DDX60L: variants seen among roughly 807,000 people sequenced by gnomAD.
DDX60L encodes probable ATP-dependent RNA helicase DDX60-like.
A neutral mutation model predicts 211.6 loss-of-function variants in DDX60L; 191 were observed. That is an observed-to-expected ratio of 0.90 (90% CI 0.80 to 1.02). DDX60L has a LOEUF of 1.02. DDX60L is among the 50% of genes least tolerant of loss of function. DDX60L has a pLI of 0.00. For synonymous variants in DDX60L, 706 were observed against 694.1 expected (o/e 1.02, Z -0.27); for missense variants, 2,007 against 1,984.1 (o/e 1.01, Z -0.22).
chr4:168,415,464 G>A lies in DDX60L; in HGVS notation c.2923C>T (p.His975Tyr), dbSNP rs768471956. The A allele has an allele frequency of 7.5e-6, 12 of 1,607,080 alleles. No homozygotes were observed. Among genetic ancestry groups the A allele is most frequent in the Non-Finnish European group, 1.0e-5 (12 of 1,175,954 alleles). ...AAATGATCAAAATAAACATCATCATGTTTTACTGAACATATATGCTTCTCT... is the reference window on the plus strand; with the variant it reads ...AAATGATCAAAATAAACATCATCATATTTTACTGAACATATATGCTTCTCT... ...DLEKHICSVK[H>Y]DDVYFDHFHP... The change falls in exon 22 of 38, where the codon CAT becomes TAT. Residue 975 changes from histidine to tyrosine, a missense_variant. His to Tyr is a moderately conservative substitution (Grantham distance 83, BLOSUM62 2). Coordinates refer to ENST00000682922, the MANE Select transcript of DDX60L (RefSeq NM_001012967.3).
chr4:168,471,535 CAT>C (rs1415509543), intron 4 of DDX60L: 13 of 397,464 alleles, frequency 3.3e-5, no homozygotes, highest in Non-Finnish European at 5.2e-5. Flanking sequence ...AATGTGGGAA[CAT>C]AGAGTTGAGG....
chr4:168,442,208 G>A (rs1753969474), intron 9 of DDX60L, among the ~76,000 whole-genome samples: 1 of 152,152 alleles, frequency 6.6e-6, no homozygotes, highest in Non-Finnish European at 1.5e-5. Context: ...AAGGGGTCAG[G>A]GAGTTCCCTT....
chr4:168,408,094 T>C (rs1748070134), intron 22 of DDX60L, among the ~76,000 whole-genome samples: 1 of 152,214 alleles, frequency 6.6e-6, no homozygotes. Context: ...GGTGACCAAA[T>C]ATTCTGTCTA....
At chr4:168,358,808 G>A (rs918278607) in intron 37 of DDX60L, among the ~76,000 whole-genome samples, 1 of 152,102 alleles carries the variant, frequency 6.6e-6, no homozygotes, top group African/African-American at 2.4e-5. Context: ...GTGGGCCACC[G>A]TGTCCGGCCA....
At position 168,392,152 on chromosome 4, in the gene DDX60L, T is replaced by C. The variant is rs2149726289; in HGVS notation, c.3811-508A>G. ...CTTAAGATAGGGTAATAATGTTTTG[T>C]CTTACGTACTCTGGACAACCACCTT... is the stretch of plus-strand genomic sequence containing the variant. On this transcript the variant is annotated intron_variant, in intron 28 of 37. Coordinates refer to ENST00000682922, the MANE Select transcript of DDX60L (RefSeq NM_001012967.3). 1.3e-5 allele frequency among the ~76,000 whole-genome samples: 2 copies of C among 152,234 alleles called. 1 individual carries two copies. Among genetic ancestry groups the C allele is most frequent in the Non-Finnish European group, 2.9e-5 (2 of 68,044 alleles).
Position 168,457,261 on chromosome 4 carries a change from TACACACAC to T in DDX60L, c.723+623_723+630del, listed in dbSNP as rs70961523. 1.1e-4 allele frequency among the ~76,000 whole-genome samples: 16 copies of T among 145,312 alleles called. No homozygotes were observed. The South Asian group carries it at 1.3e-3, about 12-fold the overall frequency. ...ACCAAAAACATATATATAAACTACA[TACACACAC>T]ACACACACACACACACACACACATA... On this transcript the variant is annotated intron_variant, in intron 6 of 37. Coordinates refer to ENST00000682922, the MANE Select transcript of DDX60L (RefSeq NM_001012967.3).
chr4:168,390,585 T>G, intron 29 of DDX60L: 1 of 943,280 alleles, frequency 1.1e-6, no homozygotes, highest in Non-Finnish European at 1.5e-6. Context: ...ATGATAAAAT[T>G]TATATTTTAT....
intron 33 of DDX60L, 75 bp downstream of exon 33, chr4:168,378,279 G>C: frequency 2.4e-6 from 2 of 841,482 alleles, no homozygotes; most frequent in Non-Finnish European, 3.6e-6. Flanking sequence ...TAACCCTATA[G>C]GTACTGAATG....
At chr4:168,435,615 T>A (rs1234501605) in intron 10 of DDX60L, among the ~76,000 whole-genome samples, 1 of 137,452 alleles carries the variant, frequency 7.3e-6, no homozygotes, top group East Asian at 1.9e-4. Flanking sequence ...GGCAAATGCT[T>A]TTTTTCTCCA....
intron 13 of DDX60L, among the ~76,000 whole-genome samples, chr4:168,428,331 G>T (rs767055144): frequency 1.3e-4 from 20 of 152,250 alleles, no homozygotes; most frequent in Admixed American, 4.6e-4. Context: ...AGTGTAATCA[G>T]TGATAACTAT....
At chr4:168,433,768 C>T (rs1304196988) in intron 10 of DDX60L, among the ~76,000 whole-genome samples, 3 of 152,204 alleles carry the variant, frequency 2.0e-5, no homozygotes, top group African/African-American at 7.2e-5. Context: ...TTGCATCTCT[C>T]ACTTTCCTTT....
chr4:168,471,549 A>G (rs539574617), intron 4 of DDX60L, 198 bp downstream of exon 4: 5 of 428,634 alleles, frequency 1.2e-5, no homozygotes, highest in African/African-American at 6.2e-5. Context: ...GAGTTGAGGG[A>G]AAAAAATTTA....
intron 11 of DDX60L, 74 bp from the exon 12 acceptor site, chr4:168,432,644 A>C (rs1287924174): frequency 1.7e-5 from 14 of 840,622 alleles, no homozygotes; most frequent in Non-Finnish European, 2.5e-5. Context: ...GGCTGTGATA[A>C]CAGAAATTGT....
chr4:168,422,057 G>C (rs1412172448), intron 16 of DDX60L, 148 bp from the exon 17 acceptor site: 10 of 911,488 alleles, frequency 1.1e-5, no homozygotes, highest in Non-Finnish European at 1.6e-5. Context: ...TAGGTCTGGT[G>C]AACACTCGAA....
At chr4:168,428,871 A>G (rs983263043) in intron 13 of DDX60L, among the ~76,000 whole-genome samples, 35 of 152,126 alleles carry the variant, frequency 2.3e-4, no homozygotes, top group African/African-American at 8.4e-4. Context: ...TTTTTTTTGA[A>G]TTACAGGGAT....
intron 5 of DDX60L, among the ~76,000 whole-genome samples, chr4:168,459,549 C>G (rs1757024333): frequency 1.3e-5 from 2 of 151,372 alleles, no homozygotes; most frequent in Admixed American, 1.3e-4. Context: ...GTCAGGAGTT[C>G]AAGACCAGCC....
intron 9 of DDX60L, among the ~76,000 whole-genome samples, chr4:168,447,430 A>G (rs75412379): frequency 0.72 from 106,234 of 147,380 alleles, 39,534 homozygotes; most frequent in East Asian, 0.89. Flanking sequence ...TTACACTGTT[A>G]GTGGGACTGT....
rs543303109 is a variant in DDX60L at position 168,379,630 on chromosome 4, T to C, written c.4221+96A>G. On this transcript the variant is annotated intron_variant, in intron 31 of 37. Coordinates refer to ENST00000682922, the MANE Select transcript of DDX60L (RefSeq NM_001012967.3). ...TAATAAATGATAAGTAACATTATCATTGAATGCAGATTATAGAAATTTCAG... is the reference window on the plus strand; with the variant it reads ...TAATAAATGATAAGTAACATTATCACTGAATGCAGATTATAGAAATTTCAG... The C allele has an allele frequency of 8.4e-5, 102 of 1,207,480 alleles. 1 individual carries two copies. The highest frequency in any genetic ancestry group is 6.8e-4 in the South Asian group (45 of 66,520). The allele number at this position is 1,207,480 out of a possible 1,614,324, so 74.8% of individuals were successfully genotyped here.
intron 27 of DDX60L, among the ~76,000 whole-genome samples, chr4:168,395,048 C>T (rs1745534149): frequency 6.6e-6 from 1 of 152,142 alleles, no homozygotes; most frequent in Non-Finnish European, 1.5e-5. Context: ...CAAGTCATAT[C>T]CAACCCCTTA....
Sources: allele counts gnomAD v4.1 joint callset (sites outside exome capture counted in the v4.1 genomes callset), GRCh38; gene constraint gnomAD v4.1.1; transcripts MANE v1.5; gene names NCBI Gene and HGNC (gene_info 2026-07-23, HGNC 2026-07-21).